CREB1: variants seen among roughly 807,000 people sequenced by gnomAD.
CREB1 encodes cAMP responsive element binding protein 1, also known as cyclic AMP-responsive element-binding protein 1.
CREB1 carries 2 observed loss-of-function variants against 42.0 expected under a neutral mutation model. That is an observed-to-expected ratio of 0.05 (90% CI 0.02 to 0.15). CREB1 has a LOEUF of 0.15. Among genes scored for constraint, CREB1 ranks in the 10% least tolerant of loss-of-function variants. CREB1 has a pLI of 1.00. For synonymous variants in CREB1, 123 were observed against 139.9 expected (o/e 0.88, Z 0.85); for missense variants, 199 against 388.9 (o/e 0.51, Z 4.11).
chr2:207,590,552 T>C (rs1386117397), intron 7 of CREB1, among the ~76,000 whole-genome samples: 1 of 152,124 alleles, frequency 6.6e-6, no homozygotes, highest in African/African-American at 2.4e-5. Flanking sequence ...TTTTTTCCTA[T>C]TAATATATAC....
At position 207,564,238 on chromosome 2, in the gene CREB1, A is replaced by G. The variant is rs375813394; in HGVS notation, c.262-3225A>G. Among the ~76,000 whole-genome samples the G allele has an allele frequency of 2.0e-3, 301 of 152,268 alleles. 2 individuals carry two copies. The highest frequency in any genetic ancestry group is 6.7e-3 in the African/African-American group (277 of 41,576). ...CTTGATCCAATGAGTAAAACACTGT[A>G]TCTAAGGCCAGGTGCAGTGGCCTAT... On this transcript the variant is annotated intron_variant, in intron 3 of 7. Coordinates refer to ENST00000353267, the MANE Select transcript of CREB1 (RefSeq NM_004379.5).
At chr2:207,547,061 C>G (rs1367623129) in intron 1 of CREB1, among the ~76,000 whole-genome samples, 1 of 152,142 alleles carries the variant, frequency 6.6e-6, no homozygotes, top group Non-Finnish European at 1.5e-5. Flanking sequence ...ATCTTTTGTT[C>G]TCCATCTGTG....
At chr2:207,582,806 T>C (rs1037553622) in intron 7 of CREB1, 10 of 307,968 alleles carry the variant, frequency 3.2e-5, no homozygotes, top group African/African-American at 6.8e-5. Context: ...GGCAGAAGAA[T>C]TGTGCGAACC....
At position 207,604,282 on chromosome 2, in the gene CREB1, A is replaced by G. The variant is rs934614273; in HGVS notation, c.*7224A>G. 1.3e-5 allele frequency among the ~76,000 whole-genome samples: 2 copies of G among 152,194 alleles called. No homozygotes were observed. Among genetic ancestry groups the G allele is most frequent in the Non-Finnish European group, 2.9e-5 (2 of 68,034 alleles). ...TCTAGTTTTAGTGTTTCGCCACTGA[A>G]GACTTAACATATGTCTTTTACACTC... On this transcript the variant is annotated 3_prime_UTR_variant, in exon 8 of 8. Coordinates refer to ENST00000353267, the MANE Select transcript of CREB1 (RefSeq NM_004379.5).
At chr2:207,550,385 G>T (rs1252200036) in intron 1 of CREB1, 2 of 131,712 alleles carry the variant, frequency 1.5e-5, no homozygotes, top group Admixed American at 7.8e-5. Context: ...AGTTATGAAT[G>T]TATTATTTCT....
At chr2:207,531,264 C>T (rs1435284570) in intron 1 of CREB1, among the ~76,000 whole-genome samples, 1 of 152,176 alleles carries the variant, frequency 6.6e-6, no homozygotes. Context: ...CCCTCACCCT[C>T]CGTCCCACTC....
At position 207,598,314 on chromosome 2, in the gene CREB1, A is replaced by G. The variant is rs1303223910; in HGVS notation, c.*1256A>G. ...TTTTTTGTTCTCTTGTAAAAAGAGT[A>G]GTTATTAGTTCTGCTTTAGCTTTCC... On this transcript the variant is annotated 3_prime_UTR_variant, in exon 8 of 8. Coordinates refer to ENST00000353267, the MANE Select transcript of CREB1 (RefSeq NM_004379.5). 5.4e-6 allele frequency: 1 copy of G among 183,842 alleles called. No individual in the cohort carries two copies. The highest frequency in any genetic ancestry group is 1.2e-5 in the Non-Finnish European group (1 of 86,514). The allele number at this position is 183,842 out of a possible 1,614,324, so 11.4% of individuals were successfully genotyped here.
intron 3 of CREB1, among the ~76,000 whole-genome samples, chr2:207,566,079 G>T (rs1186388244): frequency 6.6e-6 from 1 of 151,972 alleles, no homozygotes; most frequent in Non-Finnish European, 1.5e-5. Flanking sequence ...TTGATTTTTA[G>T]GTCTTTCAGA....
chr2:207,594,498 T>C (rs1175244437), intron 7 of CREB1, among the ~76,000 whole-genome samples: 1 of 152,200 alleles, frequency 6.6e-6, no homozygotes, highest in Non-Finnish European at 1.5e-5. Flanking sequence ...GAGACTAGCT[T>C]GTGTCAGCAT....
At chr2:207,595,012 T>C (rs1212677577) in intron 7 of CREB1, among the ~76,000 whole-genome samples, 17 of 149,440 alleles carry the variant, frequency 1.1e-4, no homozygotes, top group South Asian at 1.1e-3. Context: ...TTTTTTTTTT[T>C]CTGAGATGGA....
chr2:207,593,472 G>T (rs1008279581), intron 7 of CREB1, among the ~76,000 whole-genome samples: 10 of 152,208 alleles, frequency 6.6e-5, no homozygotes, highest in Admixed American at 6.5e-4. Context: ...CAAGGCTGCA[G>T]TGAGCCCTCA....
chr2:207,537,734 A>G (rs1410061690), intron 1 of CREB1, among the ~76,000 whole-genome samples: 2 of 152,116 alleles, frequency 1.3e-5, no homozygotes, highest in Non-Finnish European at 2.9e-5. Context: ...ACTCCCCTTA[A>G]TATATACACA....
intron 1 of CREB1, among the ~76,000 whole-genome samples, chr2:207,537,513 T>C (rs888540381): frequency 6.6e-6 from 1 of 152,212 alleles, no homozygotes; most frequent in South Asian, 2.1e-4. Context: ...CAAAGATCAT[T>C]AAAGCAGCAA....
chr2:207,568,446 A>G (rs1034507235), intron 4 of CREB1, among the ~76,000 whole-genome samples: 1 of 152,132 alleles, frequency 6.6e-6, no homozygotes, highest in Admixed American at 6.5e-5. Flanking sequence ...TCCTGTTAGT[A>G]TATAACACAT....
At chr2:207,564,414 C>T (rs978283568) in intron 3 of CREB1, among the ~76,000 whole-genome samples, 2 of 151,942 alleles carry the variant, frequency 1.3e-5, no homozygotes, top group African/African-American at 2.4e-5. Context: ...GAGGTTGAGT[C>T]TGGAGGATCC....
Position 207,598,694 on chromosome 2 carries a change from A to C in CREB1, c.*1636A>C, listed in dbSNP as rs2086573865. 6.1e-6 allele frequency: 1 copy of C among 164,380 alleles called. No homozygotes were observed. The highest frequency in any genetic ancestry group is 1.3e-5 in the Non-Finnish European group (1 of 75,384). 10.2% of individuals were successfully genotyped at this position (164,380 alleles called of 1,614,324 possible). ...AAACCCCATCTCTACTAAAAATACA[A>C]AAATTAGCCAGGCGTGGTGGCTGGC... On this transcript the variant is annotated 3_prime_UTR_variant, in exon 8 of 8. Transcript: ENST00000353267.
intron 1 of CREB1, among the ~76,000 whole-genome samples, chr2:207,543,820 G>T (rs1015046002): frequency 2.6e-5 from 4 of 152,102 alleles, no homozygotes; most frequent in Admixed American, 6.6e-5. Flanking sequence ...GGTCAGGATG[G>T]TATCGATTTC....
In CREB1 at chr2:207,605,531, AAAAG is replaced by A. The variant is rs1010408771; in HGVS notation, c.*8477_*8480del. ...TTATGTAATATGTACACTTCTAAAA[AAAAG>A]AAACATGGAAAAGGGCAAACTGTAA... On this transcript the variant is annotated 3_prime_UTR_variant, in exon 8 of 8. Coordinates refer to ENST00000353267, the MANE Select transcript of CREB1 (RefSeq NM_004379.5). 3.9e-5 allele frequency among the ~76,000 whole-genome samples: 6 copies of A among 152,146 alleles called. No homozygotes were observed. Among genetic ancestry groups the A allele is most frequent in the African/African-American group, 1.4e-4 (6 of 41,384 alleles).
intron 1 of CREB1, among the ~76,000 whole-genome samples, chr2:207,535,944 C>G (rs1235418667): frequency 3.3e-5 from 5 of 152,010 alleles, no homozygotes. Flanking sequence ...TTTCAGCTTC[C>G]TGAGTGAGTG....
Sources: allele counts gnomAD v4.1 joint callset (sites outside exome capture counted in the v4.1 genomes callset), GRCh38; gene constraint gnomAD v4.1.1; transcripts MANE v1.5; gene names NCBI Gene and HGNC (gene_info 2026-07-23, HGNC 2026-07-21).